OXR1: variants seen among roughly 807,000 people sequenced by gnomAD.
OXR1 encodes oxidation resistance 1.
OXR1 carries 41 observed loss-of-function variants against 104.6 expected under a neutral mutation model. The observed-to-expected ratio is 0.39, with a 90% CI of 0.31 to 0.51. The LOEUF (loss-of-function observed/expected upper bound fraction) is 0.51, where lower values mean the gene tolerates loss of function less well. Ranked by LOEUF, OXR1 falls within the 20% of genes least tolerant of loss-of-function variation. The probability of loss-of-function intolerance (pLI) is 0.77; values close to 1 mark genes in which losing one functional copy is unlikely to be tolerated. For missense variants in OXR1, 955 were observed against 1,031.9 expected, an observed-to-expected ratio of 0.93 and a Z score of 1.02; for synonymous variants, 348 against 348.4, an observed-to-expected ratio of 1.00 and a Z score of 0.01.
intron 1 of OXR1, among the ~76,000 whole-genome samples, chr8:106,299,251 A>G (rs1813131434): frequency 6.6e-6 from 1 of 151,814 alleles, no homozygotes; most frequent in Non-Finnish European, 1.5e-5. Context: ...AGATAAGAAC[A>G]TGGCAGACCT....
At chr8:106,367,683 T>C (rs2130364952) in intron 2 of OXR1, among the ~76,000 whole-genome samples, 1 of 152,180 alleles carries the variant, frequency 6.6e-6, no homozygotes, top group South Asian at 2.1e-4. Context: ...AAGACAGATA[T>C]AGATAAAAAA....
chr8:106,462,598 C>A (rs1820969791), intron 2 of OXR1, among the ~76,000 whole-genome samples: 1 of 152,104 alleles, frequency 6.6e-6, no homozygotes, highest in South Asian at 2.1e-4. Flanking sequence ...CTTTTCTCAG[C>A]ATCATCATTT....
intron 1 of OXR1, among the ~76,000 whole-genome samples, chr8:106,301,279 T>C (rs1224776995): frequency 6.6e-6 from 1 of 152,192 alleles, no homozygotes; most frequent in Non-Finnish European, 1.5e-5. Context: ...ATTTCACTAC[T>C]TAGAAAATTG....
intron 2 of OXR1, among the ~76,000 whole-genome samples, chr8:106,361,291 G>A (rs903123218): frequency 4.6e-5 from 7 of 152,220 alleles, no homozygotes; most frequent in Non-Finnish European, 7.3e-5. Context: ...ATTCATCTAT[G>A]TGGAATTTGT....
intron 3 of OXR1, among the ~76,000 whole-genome samples, chr8:106,530,731 A>G (rs939971557): frequency 6.6e-6 from 1 of 152,188 alleles, no homozygotes; most frequent in Non-Finnish European, 1.5e-5. Context: ...GTACATCTAC[A>G]TAGAAGCAAG....
intron 3 of OXR1, among the ~76,000 whole-genome samples, chr8:106,641,899 T>C (rs1004159544): frequency 1.3e-5 from 2 of 152,032 alleles, no homozygotes; most frequent in African/African-American, 4.8e-5. Flanking sequence ...GCTTGTGTTG[T>C]TTAACAATTT....
intron 2 of OXR1, among the ~76,000 whole-genome samples, chr8:106,367,492 C>G (rs1187393223): frequency 6.6e-6 from 1 of 151,982 alleles, no homozygotes; most frequent in African/African-American, 2.4e-5. Flanking sequence ...TATTTCTAAA[C>G]AGGCAGTATA....
chr8:106,401,999 C>T (rs1476430682), intron 2 of OXR1, among the ~76,000 whole-genome samples: 1 of 152,128 alleles, frequency 6.6e-6, no homozygotes, highest in East Asian at 1.9e-4. Context: ...CAGCTAAAAG[C>T]AAACGGCTTC....
At chr8:106,430,230 T>C (rs928699752) in intron 2 of OXR1, among the ~76,000 whole-genome samples, 1 of 152,212 alleles carries the variant, frequency 6.6e-6, no homozygotes, top group Non-Finnish European at 1.5e-5. Flanking sequence ...GGCCAACTTT[T>C]AGATAATCTT....
intron 2 of OXR1, among the ~76,000 whole-genome samples, chr8:106,452,879 A>C (rs1820397455): frequency 7.4e-6 from 1 of 135,046 alleles, no homozygotes; most frequent in East Asian, 1.9e-4. Flanking sequence ...GTCCTGTTTT[A>C]GGACTAAATT....
Position 106,379,228 on chromosome 8 carries a change from G to A in OXR1, c.23+19592G>A, listed in dbSNP as rs73305163. ...TCTCTCAAGCCCTCCAGGTAATTCT[G>A]ATGCATGTTCAAGTTTAAGAGCAGA... On this transcript the variant is annotated intron_variant, in intron 2 of 16. Transcript: ENST00000517566. Among the ~76,000 whole-genome samples, 718 of 152,252 alleles carry A rather than the reference G, an allele frequency of 4.7e-3. 8 individuals carry two copies. Among genetic ancestry groups the A allele is most frequent in the African/African-American group, 0.017 (699 of 41,546 alleles).
At chr8:106,330,121 T>G (rs1284829017) in intron 1 of OXR1, among the ~76,000 whole-genome samples, 1 of 152,212 alleles carries the variant, frequency 6.6e-6, no homozygotes, top group African/African-American at 2.4e-5. Context: ...ATACTGCCCC[T>G]TCTATTTCTT....
chr8:106,615,076 T>G (rs1356000441), intron 3 of OXR1, among the ~76,000 whole-genome samples: 3 of 152,180 alleles, frequency 2.0e-5, no homozygotes, highest in Non-Finnish European at 2.9e-5. Context: ...CCTAGCACTT[T>G]GGGAGGCCAA....
At chr8:106,487,129 T>G (rs1810716671) in intron 2 of OXR1, among the ~76,000 whole-genome samples, 1 of 151,440 alleles carries the variant, frequency 6.6e-6, no homozygotes, top group Non-Finnish European at 1.5e-5. Context: ...GTTCAAGCGA[T>G]TCTCCTGCTT....
intron 1 of OXR1, among the ~76,000 whole-genome samples, chr8:106,301,193 A>G (rs993515499): frequency 2.0e-5 from 3 of 152,220 alleles, no homozygotes; most frequent in Non-Finnish European, 4.4e-5. Context: ...GATTTGAAGA[A>G]GCAGCGCTTG....
chr8:106,702,795 G>A (rs1483909044), intron 7 of OXR1, 111 bp from the exon 8 acceptor site: 2 of 791,778 alleles, frequency 2.5e-6, no homozygotes, highest in African/African-American at 1.7e-5. Context: ...GTTCCTGAGT[G>A]TACTATTTTT....
intron 3 of OXR1, among the ~76,000 whole-genome samples, chr8:106,614,810 T>C (rs1444695979): frequency 2.0e-5 from 3 of 152,204 alleles, no homozygotes. Context: ...GTGTGTTTGA[T>C]ATGGCAGTGT....
intron 3 of OXR1, among the ~76,000 whole-genome samples, chr8:106,653,903 A>T (rs566718134): frequency 2.0e-5 from 3 of 152,076 alleles, no homozygotes; most frequent in Non-Finnish European, 4.4e-5. Flanking sequence ...AAGATACAAG[A>T]ACAGTATTCA....
chr8:106,394,063 G>A (rs1376243204), intron 2 of OXR1, among the ~76,000 whole-genome samples: 1 of 151,998 alleles, frequency 6.6e-6, no homozygotes, highest in Non-Finnish European at 1.5e-5. Context: ...TGAAAAGGCA[G>A]ACCATAACTG....
Sources: allele counts gnomAD v4.1 joint callset (sites outside exome capture counted in the v4.1 genomes callset), GRCh38; gene constraint gnomAD v4.1.1; transcripts MANE v1.5; gene names NCBI Gene and HGNC (gene_info 2026-07-23, HGNC 2026-07-21).